The following CALN1 variants were observed in gnomAD, a reference collection of about 807,000 sequenced individuals.
CALN1 encodes the protein calneuron 1.
In CALN1, 17 loss-of-function variants were observed where a neutral mutation model predicts 30.6. That is an observed-to-expected ratio of 0.56 (90% CI 0.38 to 0.83). The LOEUF (loss-of-function observed/expected upper bound fraction) is 0.83, where lower values mean the gene tolerates loss of function less well. CALN1 is among the 40% of genes least tolerant of loss of function. The pLI is 0.00. For synonymous variants in CALN1, 156 were observed against 131.4 expected, an observed-to-expected ratio of 1.19 and a Z score of -1.28; for missense variants, 291 against 354.9, an observed-to-expected ratio of 0.82 and a Z score of 1.45.
the CALN1 span, among the ~76,000 whole-genome samples, chr7:72,477,842 A>C: frequency 6.6e-6 from 1 of 152,140 alleles, no homozygotes; most frequent in Non-Finnish European, 1.5e-5. Flanking sequence ...TTGCCTTGCC[A>C]AGAGTCACCT....
At chr7:72,221,452 G>A (rs1004344594) in intron 3 of CALN1, among the ~76,000 whole-genome samples, 1 of 151,618 alleles carries the variant, frequency 6.6e-6, no homozygotes, top group African/African-American at 2.4e-5. Flanking sequence ...CGAGTAGTTG[G>A]GATTACAGGC....
chr7:72,379,599 C>G (rs1339324106), intron 2 of CALN1, among the ~76,000 whole-genome samples: 1 of 152,248 alleles, frequency 6.6e-6, no homozygotes, highest in Non-Finnish European at 1.5e-5. Flanking sequence ...GTGTTCATGA[C>G]CCAGGTCAAA....
chr7:71,943,061 A>G (rs148633398), intron 5 of CALN1, among the ~76,000 whole-genome samples: 2 of 152,126 alleles, frequency 1.3e-5, no homozygotes, highest in African/African-American at 4.8e-5. Flanking sequence ...TTGGTGTCTC[A>G]TGTCTCCCTA....
intron 4 of CALN1, among the ~76,000 whole-genome samples, chr7:72,081,504 C>T (rs1186179171): frequency 6.7e-6 from 1 of 149,468 alleles, no homozygotes; most frequent in Non-Finnish European, 1.5e-5. Flanking sequence ...CTCACTACAG[C>T]CTCCAACTCC....
chr7:71,851,254 T>TCACAC, intron 5 of CALN1, among the ~76,000 whole-genome samples: 1 of 60,710 alleles, frequency 1.6e-5, no homozygotes, highest in East Asian at 4.9e-4. Context: ...CACACACACA[T>TCACAC]CACACATATA....
intron 3 of CALN1, among the ~76,000 whole-genome samples, chr7:72,256,988 A>G (rs554620689): frequency 5.0e-4 from 76 of 152,318 alleles, no homozygotes; most frequent in African/African-American, 1.7e-3. Context: ...TCACACTGCT[A>G]TAAAGACACT....
chr7:72,159,106 C>A (rs991376073), intron 3 of CALN1, among the ~76,000 whole-genome samples: 1 of 152,084 alleles, frequency 6.6e-6, no homozygotes, highest in Non-Finnish European at 1.5e-5. Flanking sequence ...CCCACCTCAA[C>A]CTCTCAAAGT....
At chr7:72,224,386 A>C (rs1402409132) in intron 3 of CALN1, among the ~76,000 whole-genome samples, 3 of 152,142 alleles carry the variant, frequency 2.0e-5, no homozygotes, top group Non-Finnish European at 4.4e-5. Flanking sequence ...TTGGATGGAT[A>C]TCACAGGGTC....
chr7:72,387,759 G>T (rs190765874), intron 2 of CALN1, among the ~76,000 whole-genome samples: 183 of 152,264 alleles, frequency 1.2e-3, no homozygotes, highest in African/African-American at 4.0e-3. Context: ...TAAGGAGACA[G>T]GACAAGTAAA....
At chr7:72,268,493 G>C (rs1247407339) in intron 3 of CALN1, among the ~76,000 whole-genome samples, 1 of 152,104 alleles carries the variant, frequency 6.6e-6, no homozygotes, top group Admixed American at 6.6e-5. Flanking sequence ...CTAATTCAGG[G>C]AAACAAAATA....
intron 2 of CALN1, among the ~76,000 whole-genome samples, chr7:72,352,104 T>C (rs1459860787): frequency 1.3e-5 from 2 of 151,974 alleles, no homozygotes; most frequent in Non-Finnish European, 2.9e-5. Flanking sequence ...GAGGTGGAGG[T>C]TGCAGTGAGC....
intron 4 of CALN1, among the ~76,000 whole-genome samples, chr7:72,068,432 G>C (rs1804172017): frequency 6.6e-6 from 1 of 152,128 alleles, no homozygotes; most frequent in African/African-American, 2.4e-5. Context: ...ACAAATCCTG[G>C]ATTGTAATCA....
chr7:72,084,956 G>A (rs750574510), intron 4 of CALN1, among the ~76,000 whole-genome samples: 39 of 152,152 alleles, frequency 2.6e-4, no homozygotes, highest in Non-Finnish European at 5.1e-4. Flanking sequence ...TGCCAGAGAC[G>A]TGAATCACTC....
At chr7:72,046,806 T>G (rs531294410) in intron 4 of CALN1, among the ~76,000 whole-genome samples, 1 of 150,308 alleles carries the variant, frequency 6.7e-6, no homozygotes, top group African/African-American at 2.5e-5. Context: ...AGGCTGAGAA[T>G]TGCATGAGCC....
intron 3 of CALN1, among the ~76,000 whole-genome samples, chr7:72,234,684 G>C (rs941779938): frequency 1.3e-5 from 2 of 152,098 alleles, no homozygotes; most frequent in Non-Finnish European, 2.9e-5. Flanking sequence ...GACTGCAAGT[G>C]ATCCGCCCGC....
At chr7:72,188,864 T>C (rs868625433) in intron 3 of CALN1, among the ~76,000 whole-genome samples, 2 of 152,106 alleles carry the variant, frequency 1.3e-5, no homozygotes, top group Admixed American at 6.6e-5. Flanking sequence ...GGTACCACAG[T>C]GATGCAGCAA....
chr7:71,838,962 T>C (rs139944512), intron 5 of CALN1, among the ~76,000 whole-genome samples: 4 of 152,232 alleles, frequency 2.6e-5, no homozygotes, highest in Admixed American at 6.5e-5. Flanking sequence ...AACTGACTAA[T>C]ACAACCTGCC....
At chr7:72,364,305 T>C (rs1418121430) in intron 2 of CALN1, among the ~76,000 whole-genome samples, 1 of 137,336 alleles carries the variant, frequency 7.3e-6, no homozygotes, top group South Asian at 2.4e-4. Context: ...ACTTGTAAGA[T>C]TCAATATTTA....
chr7:72,308,112 C>T (rs1336011760), intron 2 of CALN1, among the ~76,000 whole-genome samples: 3 of 152,072 alleles, frequency 2.0e-5, no homozygotes, highest in Admixed American at 2.0e-4. Context: ...ACCTGTAATC[C>T]CAGGACTTTG....
Sources: allele counts gnomAD v4.1 joint callset (sites outside exome capture counted in the v4.1 genomes callset), GRCh38; gene constraint gnomAD v4.1.1; transcripts MANE v1.5; gene names NCBI Gene and HGNC (gene_info 2026-07-23, HGNC 2026-07-21).